NDUFA10: variants seen among roughly 807,000 people sequenced by gnomAD.
NDUFA10 encodes the protein NADH:ubiquinone oxidoreductase subunit A10, also known as NADH dehydrogenase [ubiquinone] 1 alpha subcomplex subunit 10, mitochondrial.
In NDUFA10, 40 loss-of-function variants were observed where a neutral mutation model predicts 47.8. That is an observed-to-expected ratio of 0.84 (90% confidence interval 0.65 to 1.09). NDUFA10 has a LOEUF of 1.09. NDUFA10 is among the 50% of genes least tolerant of loss of function. The pLI is 0.00. For missense variants in NDUFA10, 413 were observed against 451.1 expected, an observed-to-expected ratio of 0.92 and a Z score of 0.76; for synonymous variants, 183 against 172.2, an observed-to-expected ratio of 1.06 and a Z score of -0.49.
intron 4 of NDUFA10, among the ~76,000 whole-genome samples, chr2:239,914,897 A>G (rs1370166780): frequency 1.3e-5 from 2 of 149,954 alleles, no homozygotes; most frequent in Admixed American, 6.6e-5. Flanking sequence ...ATACACACAC[A>G]TACATACTCA....
At chr2:239,925,598 T>C (rs1052649733) in intron 4 of NDUFA10, among the ~76,000 whole-genome samples, 3 of 152,202 alleles carry the variant, frequency 2.0e-5, no homozygotes, top group Non-Finnish European at 2.9e-5. Flanking sequence ...GAGAAGGTCA[T>C]CTTTGAGATC....
At chr2:240,013,368 A>C (rs1048073465) in intron 5 of NDUFA10, 8 of 152,220 alleles carry the variant, frequency 5.3e-5, no homozygotes, top group African/African-American at 1.9e-4. Context: ...TTTAGACCTC[A>C]GAATTATTTT....
chr2:239,959,394 C>T lies in NDUFA10; in HGVS notation c.*1724G>A. On this transcript the variant is annotated 3_prime_UTR_variant, in exon 10 of 10. Coordinates refer to ENST00000252711, the MANE Select transcript of NDUFA10 (RefSeq NM_004544.4). ...TCTTTGCAGCCAAAGACATTAGGAACAGCTAAGATAATTAAAGATGGCTTT... is the reference window on the plus strand; with the variant it reads ...TCTTTGCAGCCAAAGACATTAGGAATAGCTAAGATAATTAAAGATGGCTTT... 5 of 985,468 alleles carry T rather than the reference C, an allele frequency of 5.1e-6. No individual in the cohort carries two copies. The highest frequency in any genetic ancestry group is 6.0e-6 in the Non-Finnish European group (5 of 829,948). The allele number at this position is 985,468 out of a possible 1,614,324, so 61.0% of individuals were successfully genotyped here.
At chr2:240,023,978 G>A (rs1697748435) in intron 1 of NDUFA10, among the ~76,000 whole-genome samples, 1 of 152,192 alleles carries the variant, frequency 6.6e-6, no homozygotes, top group African/African-American at 2.4e-5. Flanking sequence ...CAAAGTAACC[G>A]ACAGCCCCGC....
At chr2:239,996,361 A>G (rs925645963) in intron 8 of NDUFA10, among the ~76,000 whole-genome samples, 1 of 152,390 alleles carries the variant, frequency 6.6e-6, no homozygotes. Flanking sequence ...CAAGAGAATT[A>G]AACTAGAAAT....
At chr2:239,943,522 G>T (rs1438096618) in intron 4 of NDUFA10, among the ~76,000 whole-genome samples, 1 of 152,144 alleles carries the variant, frequency 6.6e-6, no homozygotes, top group Admixed American at 6.5e-5. Context: ...TTTTCAAAGT[G>T]TATGGCCTTG....
At chr2:240,009,763 C>T (rs1697072406) in intron 6 of NDUFA10, among the ~76,000 whole-genome samples, 1 of 152,196 alleles carries the variant, frequency 6.6e-6, no homozygotes. Context: ...AAAAACATTT[C>T]TCTTATTTAG....
chr2:239,921,858 C>A (rs183230335), intron 4 of NDUFA10, among the ~76,000 whole-genome samples: 5 of 152,188 alleles, frequency 3.3e-5, no homozygotes, highest in Admixed American at 6.5e-5. Flanking sequence ...TGCTCAGGTC[C>A]ATCCTCCTGA....
intron 9 of NDUFA10, among the ~76,000 whole-genome samples, chr2:239,967,207 A>T (rs1574823809): frequency 6.6e-6 from 1 of 152,322 alleles, no homozygotes; most frequent in East Asian, 1.9e-4. Flanking sequence ...GCTGCTCCAG[A>T]TCATTATGCT....
intron 4 of NDUFA10, among the ~76,000 whole-genome samples, chr2:239,950,451 G>C (rs181619367): frequency 2.0e-4 from 30 of 152,348 alleles, no homozygotes; most frequent in Non-Finnish European, 3.2e-4. Context: ...GAAATCTGAG[G>C]AACGGTTCCT....
chr2:239,934,444 C>T (rs780665127), intron 4 of NDUFA10, among the ~76,000 whole-genome samples: 6 of 133,620 alleles, frequency 4.5e-5, no homozygotes, highest in East Asian at 2.5e-4. Context: ...TGTAACAATA[C>T]GGGGTCCTTG....
downstream of NDUFA10, among the ~76,000 whole-genome samples, chr2:239,952,963 G>T (rs1694581515): frequency 6.6e-6 from 1 of 152,252 alleles, no homozygotes; most frequent in South Asian, 2.1e-4. Context: ...GTAAGAAGAA[G>T]CTGAAGGGCC....
chr2:240,009,904 C>T (rs1697076184), intron 6 of NDUFA10, among the ~76,000 whole-genome samples: 1 of 152,098 alleles, frequency 6.6e-6, no homozygotes, highest in African/African-American at 2.4e-5. Context: ...CCCGGGAAAC[C>T]TAATATTGTT....
chr2:239,918,769 G>A (rs760467741), intron 4 of NDUFA10, among the ~76,000 whole-genome samples: 1 of 152,300 alleles, frequency 6.6e-6, no homozygotes, highest in South Asian at 2.1e-4. Context: ...ATGGTGACTG[G>A]TTACCCACGT....
At chr2:239,971,848 G>A (rs745627288) in intron 9 of NDUFA10, among the ~76,000 whole-genome samples, 25 of 152,208 alleles carry the variant, frequency 1.6e-4, no homozygotes, top group Non-Finnish European at 2.5e-4. Flanking sequence ...CTACTTATAC[G>A]AGGTTTTACT....
intron 5 of NDUFA10, 130 bp downstream of exon 5, chr2:240,014,609 G>C (rs1697263412): frequency 7.0e-7 from 1 of 1,425,936 alleles, no homozygotes; most frequent in Non-Finnish European, 9.8e-7. Flanking sequence ...TCTCAAGTGG[G>C]AACAGGGTGT....
intron 9 of NDUFA10, 121 bp from the exon 10 acceptor site, chr2:239,961,307 G>T: frequency 6.4e-7 from 1 of 1,557,972 alleles, no homozygotes; most frequent in East Asian, 2.4e-5. Context: ...CAATGCTGGT[G>T]AGCACATGAT....
chr2:239,976,136 G>C (rs886531296), intron 9 of NDUFA10, among the ~76,000 whole-genome samples: 2 of 152,176 alleles, frequency 1.3e-5, no homozygotes, highest in Non-Finnish European at 2.9e-5. Context: ...CATCAACGCT[G>C]ATGAGAAGTT....
chr2:239,907,495 C>G (rs983632388), intron 4 of NDUFA10, among the ~76,000 whole-genome samples: 1 of 152,048 alleles, frequency 6.6e-6, no homozygotes, highest in African/African-American at 2.4e-5. Flanking sequence ...TATGATCTAC[C>G]CATCTAACAA....
Sources: gnomAD v4.1 joint callset for allele counts (sites outside exome capture counted in the v4.1 genomes callset) on GRCh38, gnomAD v4.1.1 for gene constraint, MANE v1.5 for transcripts, NCBI Gene and HGNC (gene_info 2026-07-23, HGNC 2026-07-21) for gene names.